The following BICD1 variants were observed in gnomAD, a reference collection of about 807,000 sequenced individuals.
The protein encoded by BICD1 is protein bicaudal D homolog 1.
Under a neutral mutation model 92.5 loss-of-function variants are expected in BICD1, and 35 were observed. The observed-to-expected ratio is 0.38, with a 90% confidence interval of 0.29 to 0.50. The LOEUF is 0.50. Ranked by LOEUF, BICD1 falls within the 20% of genes least tolerant of loss-of-function variation. The pLI, the probability that BICD1 is intolerant of heterozygous loss-of-function variation, is 0.93. For synonymous variants in BICD1, 429 were observed against 465.1 expected (o/e 0.92, Z 1.00); for missense variants, 950 against 1,189.8 (o/e 0.80, Z 2.97).
chr12:32,237,557 C>T (rs1946109239), intron 2 of BICD1, among the ~76,000 whole-genome samples: 3 of 152,110 alleles, frequency 2.0e-5, no homozygotes, highest in South Asian at 4.1e-4. Context: ...TTGTTAGGGG[C>T]TAATACAGCT....
chr12:32,125,362 C>T (rs193027), intron 1 of BICD1, among the ~76,000 whole-genome samples: 1 of 152,212 alleles, frequency 6.6e-6, no homozygotes, highest in African/African-American at 2.4e-5. Flanking sequence ...GGCTGTTTCT[C>T]TGCTCTCCTC....
At chr12:32,339,069 G>A in intron 8 of BICD1, 90 bp downstream of exon 8, 1 of 1,426,150 alleles carries the variant, frequency 7.0e-7, no homozygotes, top group Non-Finnish European at 9.1e-7. Flanking sequence ...TCACCCAGCT[G>A]CAGAGTATAC....
At chr12:32,330,107 C>G (rs11051939) in intron 5 of BICD1, among the ~76,000 whole-genome samples, 33,617 of 151,996 alleles carry the variant, frequency 0.22, 4,236 homozygotes, top group East Asian at 0.6. Context: ...CCCTTATTAT[C>G]TCATCTACAG....
intron 2 of BICD1, among the ~76,000 whole-genome samples, chr12:32,238,968 T>G (rs1187701538): frequency 1.9e-5 from 2 of 106,866 alleles, no homozygotes; most frequent in Non-Finnish European, 3.8e-5. Flanking sequence ...AAAAAAAGGC[T>G]GGGCGCAGTG....
At chr12:32,374,037 A>G (rs1389525018) in intron 9 of BICD1, among the ~76,000 whole-genome samples, 1 of 151,088 alleles carries the variant, frequency 6.6e-6, no homozygotes, top group African/African-American at 2.4e-5. Context: ...AACATGGTGA[A>G]ACTCTGTCTC....
chr12:32,232,756 G>A (rs1034083278), intron 2 of BICD1, among the ~76,000 whole-genome samples: 5 of 151,990 alleles, frequency 3.3e-5, no homozygotes, highest in East Asian at 3.8e-4. Flanking sequence ...ATCTTGAATT[G>A]ATTTTTGTAT....
At chr12:32,137,160 C>T (rs1466242220) in intron 1 of BICD1, among the ~76,000 whole-genome samples, 2 of 152,098 alleles carry the variant, frequency 1.3e-5, no homozygotes, top group African/African-American at 4.8e-5. Flanking sequence ...GTGATTTCAG[C>T]TCACTGCAGC....
chr12:32,155,890 T>C (rs903021416), intron 1 of BICD1, among the ~76,000 whole-genome samples: 1 of 152,228 alleles, frequency 6.6e-6, no homozygotes, highest in African/African-American at 2.4e-5. Flanking sequence ...AGGCAAGATG[T>C]ACCAGGCCTT....
intron 2 of BICD1, among the ~76,000 whole-genome samples, chr12:32,223,522 A>T (rs1269305958): frequency 1.3e-5 from 2 of 151,694 alleles, no homozygotes; most frequent in African/African-American, 2.4e-5. Flanking sequence ...GTCTCAAAAA[A>T]AAAAAAAAAA....
At chr12:32,253,782 C>T (rs1017045722) in intron 2 of BICD1, among the ~76,000 whole-genome samples, 1 of 152,146 alleles carries the variant, frequency 6.6e-6, no homozygotes, top group Admixed American at 6.5e-5. Flanking sequence ...TGTATCTCAC[C>T]TGTCATATTC....
chr12:32,190,127 G>T (rs951820935), intron 1 of BICD1, among the ~76,000 whole-genome samples: 1 of 151,972 alleles, frequency 6.6e-6, no homozygotes, highest in Non-Finnish European at 1.5e-5. Context: ...ATAAAGAAAT[G>T]AATCAAAGCA....
intron 9 of BICD1, among the ~76,000 whole-genome samples, chr12:32,370,369 A>G (rs1321468526): frequency 2.6e-5 from 4 of 152,194 alleles, no homozygotes; most frequent in East Asian, 1.9e-4. Flanking sequence ...GAAAAAAAAA[A>G]AAGAAATAAT....
chr12:32,195,762 CA>C lies in BICD1; in HGVS notation c.214-20480del, dbSNP rs1592455479. On this transcript the variant is annotated intron_variant, in intron 1 of 9. Coordinates refer to ENST00000652176, the MANE Select transcript of BICD1 (RefSeq NM_001714.4). ...ACAACAAAAGCACAGGCAACAAATG[CA>C]AAAATAATGAAATGGGACTATGTTA... Among the ~76,000 whole-genome samples the C allele has an allele frequency of 2.0e-5, 3 of 151,916 alleles. No individual in the cohort carries two copies. The East Asian group carries it at 5.8e-4, about 29-fold the overall frequency.
rs71457611 is a variant in BICD1 at position 32,205,735 on chromosome 12, A to G, written c.214-10512A>G. On this transcript the variant is annotated intron_variant, in intron 1 of 9. Coordinates refer to ENST00000652176, the MANE Select transcript of BICD1 (RefSeq NM_001714.4). ...ATATATTATATGTCAATTTTGACAT[A>G]TGTATATACTTGCGAAATCATCAAC... Among the ~76,000 whole-genome samples the G allele has an allele frequency of 1.2e-4, 9 of 76,712 alleles. 1 individual carries two copies. Among genetic ancestry groups the G allele is most frequent in the African/African-American group, 2.2e-4 (5 of 22,552 alleles). 50.3% of individuals were successfully genotyped at this position (76,712 alleles called of 152,430 possible).
intron 8 of BICD1, among the ~76,000 whole-genome samples, chr12:32,366,665 A>ACAAT (rs1385326685): frequency 4.4e-4 from 67 of 152,168 alleles, no homozygotes; most frequent in African/African-American, 1.6e-3. Context: ...AAACAAACAA[A>ACAAT]CACATATAAG....
intron 1 of BICD1, among the ~76,000 whole-genome samples, chr12:32,188,008 G>A (rs932313194): frequency 6.6e-6 from 1 of 151,550 alleles, no homozygotes; most frequent in East Asian, 2.0e-4. Context: ...GCACGATCTC[G>A]GCTCACTGCA....
intron 1 of BICD1, among the ~76,000 whole-genome samples, chr12:32,127,534 A>G (rs947831684): frequency 6.6e-6 from 1 of 152,152 alleles, no homozygotes; most frequent in African/African-American, 2.4e-5. Context: ...TTGTTGGTCT[A>G]TTCTTGTGCA....
At chr12:32,270,566 A>G (rs1458399609) in intron 2 of BICD1, among the ~76,000 whole-genome samples, 1 of 152,246 alleles carries the variant, frequency 6.6e-6, no homozygotes, top group Non-Finnish European at 1.5e-5. Flanking sequence ...CTCATTATTC[A>G]AGTCACTAAA....
intron 2 of BICD1, among the ~76,000 whole-genome samples, chr12:32,252,916 G>A (rs772854425): frequency 2.0e-5 from 3 of 151,994 alleles, no homozygotes; most frequent in Non-Finnish European, 4.4e-5. Flanking sequence ...CTGTCATCCC[G>A]GCTGGAGTGC....
Sources: gnomAD v4.1 joint callset for allele counts (sites outside exome capture counted in the v4.1 genomes callset) on GRCh38, gnomAD v4.1.1 for gene constraint, MANE v1.5 for transcripts, NCBI Gene and HGNC (gene_info 2026-07-23, HGNC 2026-07-21) for gene names.